The following GPHN variants were observed in gnomAD, a reference collection of about 807,000 sequenced individuals.
The protein encoded by GPHN is gephyrin.
GPHN carries 17 observed loss-of-function variants against 95.5 expected under a neutral mutation model. The observed-to-expected ratio is 0.18, with a 90% CI of 0.12 to 0.27. The LOEUF (loss-of-function observed/expected upper bound fraction) is 0.27, where lower values mean the gene tolerates loss of function less well. GPHN is among the 10% of genes least tolerant of loss of function. GPHN has a pLI of 1.00. For missense variants in GPHN, 660 were observed against 978.1 expected, an observed-to-expected ratio of 0.67 and a Z score of 4.34; for synonymous variants, 320 against 322.5, an observed-to-expected ratio of 0.99 and a Z score of 0.08.
At chr14:66,602,258 G>A (rs1004350193) in intron 1 of GPHN, among the ~76,000 whole-genome samples, 2 of 151,920 alleles carry the variant, frequency 1.3e-5, no homozygotes, top group African/African-American at 4.8e-5. Flanking sequence ...AACACTGTGA[G>A]AGTGATCAAA....
chr14:66,946,309 C>G (rs746069795), intron 8 of GPHN, among the ~76,000 whole-genome samples: 3 of 152,122 alleles, frequency 2.0e-5, no homozygotes, highest in Admixed American at 6.5e-5. Context: ...TCTCTGCTAT[C>G]TAGGCAGATG....
At chr14:67,665,259 CT>C in the GPHN span, among the ~76,000 whole-genome samples, 12,897 of 126,388 alleles carry the variant, frequency 0.1, 789 homozygotes, top group African/African-American at 0.22. Context: ...TCAGTTATAT[CT>C]TTTTTTTTTT....
chr14:66,924,953 C>T (rs1481677817), intron 8 of GPHN, among the ~76,000 whole-genome samples: 14 of 150,350 alleles, frequency 9.3e-5, no homozygotes, highest in East Asian at 3.9e-4. Flanking sequence ...GAAAAAAAAA[C>T]GATCTAAGTC....
the GPHN span, among the ~76,000 whole-genome samples, chr14:67,501,043 G>A: frequency 4.7e-5 from 4 of 85,962 alleles, no homozygotes; most frequent in African/African-American, 1.8e-4. Context: ...ATACTTGGGG[G>A]TTAATAATAA....
At chr14:67,086,578 G>A (rs1220383735) in intron 11 of GPHN, among the ~76,000 whole-genome samples, 6 of 149,946 alleles carry the variant, frequency 4.0e-5, no homozygotes, top group African/African-American at 1.5e-4. Context: ...GTGAACCCCA[G>A]GGGGCGGAGC....
intron 4 of GPHN, among the ~76,000 whole-genome samples, chr14:66,862,453 A>G (rs1240753383): frequency 1.3e-5 from 2 of 152,136 alleles, no homozygotes; most frequent in African/African-American, 2.4e-5. Context: ...CCGAAATACA[A>G]GGAGGAGGGA....
At chr14:67,671,355 G>A in the GPHN span, among the ~76,000 whole-genome samples, 13 of 151,892 alleles carry the variant, frequency 8.6e-5, no homozygotes, top group African/African-American at 2.9e-4. Context: ...GTGAAACCCC[G>A]TGTCTACTAA....
At chr14:67,369,332 T>C in the GPHN span, among the ~76,000 whole-genome samples, 2 of 152,258 alleles carry the variant, frequency 1.3e-5, no homozygotes, top group Non-Finnish European at 2.9e-5. Context: ...CAGTCATCAC[T>C]GTGTATGTGC....
the GPHN span, among the ~76,000 whole-genome samples, chr14:67,489,109 T>C: frequency 2.0e-5 from 3 of 152,198 alleles, no homozygotes; most frequent in African/African-American, 7.2e-5. Context: ...TGAGCCCTTA[T>C]AGCAACTAAC....
At chr14:66,619,224 A>G (rs2063181796) in intron 1 of GPHN, among the ~76,000 whole-genome samples, 1 of 152,124 alleles carries the variant, frequency 6.6e-6, no homozygotes, top group Non-Finnish European at 1.5e-5. Context: ...TTACTTTTTT[A>G]TTCATTTCAG....
At chr14:66,753,521 A>C (rs1199664468) in intron 2 of GPHN, among the ~76,000 whole-genome samples, 2 of 152,016 alleles carry the variant, frequency 1.3e-5, no homozygotes, top group African/African-American at 4.8e-5. Context: ...AAAAAAAAAA[A>C]ATTTTAAAGA....
chr14:67,164,857 A>G (rs542752558), intron 19 of GPHN, among the ~76,000 whole-genome samples: 1 of 152,070 alleles, frequency 6.6e-6, no homozygotes, highest in South Asian at 2.1e-4. Context: ...ATTATTAACT[A>G]GAGGGGTGGG....
chr14:67,110,199 C>T lies in GPHN; in HGVS notation c.1353C>T (p.Pro451=), dbSNP rs1489505758. Residue 451 remains proline, a synonymous_variant, in exon 14 of 23, where the codon CCC becomes CCT. Transcript: ENST00000478722. ...GGGTTACAACAGGTGCTCCAATACC[C>T]TGCGGTGCTGATGCAGTAGTACAAG... ...VMRVTTGAPI[P]CGADAVVQVE... 6.2e-7 allele frequency: 1 copy of T among 1,612,230 alleles called. No individual in the cohort carries two copies. Among genetic ancestry groups the T allele is most frequent in the East Asian group, 2.2e-5 (1 of 44,866 alleles).
intron 9 of GPHN, among the ~76,000 whole-genome samples, chr14:66,995,188 C>T (rs2071703139): frequency 6.6e-6 from 1 of 152,028 alleles, no homozygotes; most frequent in South Asian, 2.1e-4. Flanking sequence ...GAAAAGAGTA[C>T]ACAGAATTGA....
chr14:67,673,654 A>G, the GPHN span, among the ~76,000 whole-genome samples: 4 of 152,200 alleles, frequency 2.6e-5, no homozygotes, highest in African/African-American at 9.7e-5. Flanking sequence ...CGTTGAGCAA[A>G]CACCCAAGCT....
At chr14:66,830,680 A>G (rs2061549560) in intron 4 of GPHN, among the ~76,000 whole-genome samples, 1 of 152,144 alleles carries the variant, frequency 6.6e-6, no homozygotes, top group South Asian at 2.1e-4. Context: ...ACCTCTTTCA[A>G]GAGGGAAAAT....
the GPHN span, chr14:67,380,696 G>A: frequency 1.3e-6 from 2 of 1,582,400 alleles, no homozygotes; most frequent in Non-Finnish European, 1.7e-6. Flanking sequence ...TTTGAATGAA[G>A]ATGAACGGGA....
chr14:67,712,562 C>T, the GPHN span, among the ~76,000 whole-genome samples: 5,311 of 148,028 alleles, frequency 0.036, 148 homozygotes, highest in Admixed American at 0.087. Context: ...AACATGAAGG[C>T]CTTTTAAATA....
chr14:66,508,815 T>C (rs1167590831), intron 1 of GPHN, among the ~76,000 whole-genome samples: 1 of 152,082 alleles, frequency 6.6e-6, no homozygotes, highest in Admixed American at 6.5e-5. Flanking sequence ...CCGTGGGATG[T>C]TAGGCCCCAG....
Sources: gnomAD v4.1 joint callset for allele counts (sites outside exome capture counted in the v4.1 genomes callset) on GRCh38, gnomAD v4.1.1 for gene constraint, MANE v1.5 for transcripts, NCBI Gene and HGNC (gene_info 2026-07-23, HGNC 2026-07-21) for gene names.